PDK3: variants seen among roughly 807,000 people sequenced by gnomAD.
PDK3 encodes the protein pyruvate dehydrogenase kinase 3.
Under a neutral mutation model 32.0 loss-of-function variants are expected in PDK3, and 12 were observed. That is an observed-to-expected ratio of 0.37 (90% confidence interval 0.24 to 0.61). The LOEUF (loss-of-function observed/expected upper bound fraction) is 0.61, where lower values mean the gene tolerates loss of function less well. PDK3 is among the 20% of genes least tolerant of loss of function. The pLI is 0.65. For missense variants in PDK3, 188 were observed against 316.9 expected (o/e 0.59, Z 3.09); for synonymous variants, 122 against 116.3 (o/e 1.05, Z -0.31).
At chrX:24,547,176 A>G (rs1221994783) in exon 12 of PDK3, 4 of 112,253 alleles carry the variant, frequency 3.6e-5, no homozygotes, top group Non-Finnish European at 7.5e-5. Context: ...CTGGAGTCCC[A>G]TGGTCCAGTT....
At chrX:24,528,304 A>T in intron 9 of PDK3, 118 bp downstream of exon 9, 1 of 434,485 alleles carries the variant, frequency 2.3e-6, no homozygotes, top group Non-Finnish European at 4.0e-6. Flanking sequence ...GGTTGCGTGT[A>T]TTATGGTTTG....
intron 1 of PDK3, among the ~76,000 whole-genome samples, chrX:24,478,401 A>C (rs1187681533): frequency 8.9e-6 from 1 of 112,270 alleles, no homozygotes; most frequent in African/African-American, 3.2e-5. Flanking sequence ...TGGAGGTTGC[A>C]GTGAGCCGAG....
intron 1 of PDK3, among the ~76,000 whole-genome samples, chrX:24,480,644 G>A (rs754765017): frequency 8.9e-6 from 1 of 112,414 alleles, no homozygotes; most frequent in South Asian, 3.7e-4. Context: ...CCACTTTAGG[G>A]GATAGAGTCT....
At chrX:24,530,630 T>A (rs1337483344) in intron 9 of PDK3, among the ~76,000 whole-genome samples, 1 of 110,884 alleles carries the variant, frequency 9.0e-6, no homozygotes, top group Non-Finnish European at 1.9e-5. Context: ...TGTTCATAGA[T>A]TTAACCAGAA....
At position 24,541,861 on chromosome X, in the gene PDK3, C is replaced by T. The variant is rs886957030; in HGVS notation, c.*2697C>T. 4.4e-5 allele frequency among the ~76,000 whole-genome samples: 5 copies of T among 112,445 alleles called. No homozygotes were observed. The Admixed American group carries it at 4.7e-4, about 11-fold the overall frequency. ...TTTTCAGCTAAATTCTTTCCCATTCCTCTGTACTGCTCTTTCATTTACTCT... is the reference window on the plus strand; with the variant it reads ...TTTTCAGCTAAATTCTTTCCCATTCTTCTGTACTGCTCTTTCATTTACTCT... On this transcript the variant is annotated 3_prime_UTR_variant, in exon 12 of 12. Coordinates refer to the PDK3 transcript ENST00000568479.
Position 24,465,579 on chromosome X carries a change from G to A in PDK3, c.106+18G>A, listed in dbSNP as rs1044602433. 26 of 1,098,253 alleles carry A rather than the reference G, an allele frequency of 2.4e-5. No homozygotes were observed. The highest frequency in any genetic ancestry group is 3.2e-5 in the Non-Finnish European group (26 of 800,271). The allele number at this position is 1,098,253 out of a possible 1,213,427, so 90.5% of individuals were successfully genotyped here. A position where few individuals can be genotyped will look rare whatever the true frequency, so the allele number is the denominator to read the frequency against. Reference sequence around the variant, plus strand: ...GGACTTCGGTGAGTACGGGGCCAAGGGTCCCCATGGGCCCGGGGCCGCCGC... The same window carrying A: ...GGACTTCGGTGAGTACGGGGCCAAGAGTCCCCATGGGCCCGGGGCCGCCGC... On this transcript the variant is annotated intron_variant, in intron 1 of 10. Coordinates refer to ENST00000379162, the MANE Select transcript of PDK3 (RefSeq NM_005391.5).
intron 1 of PDK3, among the ~76,000 whole-genome samples, chrX:24,486,707 C>G (rs1380191602): frequency 9.0e-6 from 1 of 111,568 alleles, no homozygotes; most frequent in East Asian, 2.8e-4. Flanking sequence ...TCACAGCTCA[C>G]TGCAGCCTCG....
rs149751107 is a variant in PDK3, at chrX:24,514,569, T to A, written c.596-4364T>A. Among the ~76,000 whole-genome samples, 170 of 112,205 alleles carry A rather than the reference T, an allele frequency of 1.5e-3. 1 individual carries two copies. Among genetic ancestry groups the A allele is most frequent in the African/African-American group, 5.3e-3 (163 of 30,937 alleles). On this transcript the variant is annotated intron_variant, in intron 5 of 10. Coordinates refer to ENST00000379162, the MANE Select transcript of PDK3 (RefSeq NM_005391.5). ...TTAGAAAGCTTATTATAAGTAGAATTTGCATTTTACTCTAAATGTAAATTA... is the reference window on the plus strand; with the variant it reads ...TTAGAAAGCTTATTATAAGTAGAATATGCATTTTACTCTAAATGTAAATTA...
At chrX:24,478,420 A>G (rs960869416) in intron 1 of PDK3, among the ~76,000 whole-genome samples, 1 of 112,279 alleles carries the variant, frequency 8.9e-6, no homozygotes, top group Non-Finnish European at 1.9e-5. Context: ...AGATCGTGCC[A>G]CTGCACTCCA....
chrX:24,492,255 A>G (rs1921580963), intron 1 of PDK3, among the ~76,000 whole-genome samples: 1 of 111,984 alleles, frequency 8.9e-6, no homozygotes, highest in Non-Finnish European at 1.9e-5. Context: ...GTGGGGTTAC[A>G]TCCTGATGAA....
intron 7 of PDK3, among the ~76,000 whole-genome samples, chrX:24,526,989 G>A (rs771159661): frequency 1.8e-5 from 2 of 112,500 alleles, no homozygotes; most frequent in South Asian, 7.3e-4. Context: ...AAATTAGAAT[G>A]TTACTGATGT....
chrX:24,514,824 T>C (rs1321443132), intron 5 of PDK3, among the ~76,000 whole-genome samples: 1 of 111,314 alleles, frequency 9.0e-6, no homozygotes, highest in African/African-American at 3.3e-5. Context: ...ACCTGCTAAG[T>C]TTTAAGAATG....
intron 9 of PDK3, 78 bp from the exon 10 acceptor site, chrX:24,531,579 C>T (rs1408635473): frequency 5.7e-6 from 3 of 528,495 alleles, no homozygotes; most frequent in Non-Finnish European, 9.8e-6. Flanking sequence ...TTTATTTTAA[C>T]CTTCTCTGAA....
intron 5 of PDK3, chrX:24,513,547 G>T (rs145071277): frequency 7.3e-6 from 1 of 136,877 alleles, no homozygotes; most frequent in Admixed American, 6.6e-5. Flanking sequence ...ATAGAGGGCC[G>T]TGTCATTGGT....
intron 10 of PDK3, among the ~76,000 whole-genome samples, chrX:24,533,648 G>T (rs754018399): frequency 7.1e-4 from 79 of 111,932 alleles, no homozygotes; most frequent in Non-Finnish European, 1.1e-3. Flanking sequence ...AGTCAAAACA[G>T]TTGAGCATCT....
intron 5 of PDK3, among the ~76,000 whole-genome samples, chrX:24,511,686 A>G (rs1003015492): frequency 9.0e-6 from 1 of 110,967 alleles, no homozygotes; most frequent in Non-Finnish European, 1.9e-5. Context: ...CATCTCTACT[A>G]AAAATACAAA....
At chrX:24,511,428 C>A (rs1391159332) in intron 5 of PDK3, among the ~76,000 whole-genome samples, 1 of 112,003 alleles carries the variant, frequency 8.9e-6, no homozygotes, top group East Asian at 2.8e-4. Context: ...GACAGCCCTA[C>A]TAATGATTTT....
chrX:24,499,590 T>C (rs1218626150), intron 3 of PDK3, among the ~76,000 whole-genome samples: 1 of 111,998 alleles, frequency 8.9e-6, no homozygotes, highest in Non-Finnish European at 1.9e-5. Flanking sequence ...CACATAGTTA[T>C]GAGACTGAAC....
chrX:24,484,039 T>C (rs773692631), intron 1 of PDK3, among the ~76,000 whole-genome samples: 1 of 103,228 alleles, frequency 9.7e-6, no homozygotes, highest in South Asian at 4.3e-4. Context: ...TGAGGCAAAG[T>C]CTCACTGTGT....
Sources: allele counts gnomAD v4.1 joint callset (sites outside exome capture counted in the v4.1 genomes callset), GRCh38; gene constraint gnomAD v4.1.1; transcripts MANE v1.5; gene names NCBI Gene and HGNC (gene_info 2026-07-23, HGNC 2026-07-21).